The following GADL1 variants were observed in gnomAD, a reference collection of about 807,000 sequenced individuals.
The protein encoded by GADL1 is GAD like acidic amino acid decarboxylase 1.
A neutral mutation model predicts 69.5 loss-of-function variants in GADL1; 71 were observed. The observed-to-expected ratio is 1.02, with a 90% CI of 0.84 to 1.25. The LOEUF is 1.25. Ranked by LOEUF, GADL1 falls within the 50% of genes most tolerant of loss-of-function variation. The pLI is 0.00. For missense variants in GADL1, 737 were observed against 631.8 expected, an observed-to-expected ratio of 1.17 and a Z score of -1.79; for synonymous variants, 254 against 214.4, an observed-to-expected ratio of 1.18 and a Z score of -1.62.
chr3:30,785,234 T>G lies in GADL1; in HGVS notation c.1302+1121A>C, dbSNP rs544188340. Reference sequence around the variant, plus strand: ...TTTCCCTGTTAATTAATTTGCTTAATTAGTGCCTTTCAGTTTCCACTTGAA... The same window carrying G: ...TTTCCCTGTTAATTAATTTGCTTAAGTAGTGCCTTTCAGTTTCCACTTGAA... On this transcript the variant is annotated intron_variant, in intron 13 of 14. Transcript: ENST00000282538. Among the ~76,000 whole-genome samples, 15 of 152,296 alleles carry G rather than the reference T, an allele frequency of 9.8e-5. No homozygotes were observed. The East Asian group carries it at 2.9e-3, about 29-fold the overall frequency.
intron 14 of GADL1, among the ~76,000 whole-genome samples, chr3:30,751,712 G>A (rs570845928): frequency 2.6e-5 from 4 of 152,064 alleles, no homozygotes; most frequent in Non-Finnish European, 4.4e-5. Context: ...TCATAGACAC[G>A]GAGATCTATG....
intron 14 of GADL1, among the ~76,000 whole-genome samples, chr3:30,732,316 C>G (rs748590443): frequency 8.5e-5 from 13 of 152,150 alleles, no homozygotes; most frequent in Non-Finnish European, 1.3e-4. Flanking sequence ...TTCCAGCTCT[C>G]AATTATTTTT....
At chr3:30,866,798 T>A (rs1433507708) in intron 1 of GADL1, among the ~76,000 whole-genome samples, 1 of 152,070 alleles carries the variant, frequency 6.6e-6, no homozygotes, top group Non-Finnish European at 1.5e-5. Context: ...AGGTTTTATT[T>A]CTTATACCAG....
intron 14 of GADL1, among the ~76,000 whole-genome samples, chr3:30,767,059 G>GATGGGGATTACA (rs1359787075): frequency 4.8e-4 from 73 of 152,112 alleles, no homozygotes; most frequent in South Asian, 8.3e-4. Context: ...TAAGCACTTT[G>GATGGGGATTACA]GTATAATGCT....
At chr3:30,768,705 T>C (rs923124313) in intron 14 of GADL1, among the ~76,000 whole-genome samples, 4 of 152,074 alleles carry the variant, frequency 2.6e-5, no homozygotes, top group Admixed American at 2.6e-4. Context: ...GAGATAAAGA[T>C]GAAGAAAGAA....
chr3:30,839,361 T>G (rs1326273122), intron 8 of GADL1, among the ~76,000 whole-genome samples: 3 of 151,818 alleles, frequency 2.0e-5, no homozygotes, highest in Non-Finnish European at 4.4e-5. Flanking sequence ...TTCAGTATTA[T>G]TCTCATGTTT....
At chr3:30,875,938 C>A (rs529554681) in intron 1 of GADL1, among the ~76,000 whole-genome samples, 1 of 151,922 alleles carries the variant, frequency 6.6e-6, no homozygotes, top group Non-Finnish European at 1.5e-5. Flanking sequence ...ATTGGACACG[C>A]CTGGATTACC....
chr3:30,791,690 G>T (rs577492871), intron 12 of GADL1, among the ~76,000 whole-genome samples: 1 of 152,096 alleles, frequency 6.6e-6, no homozygotes, highest in African/African-American at 2.4e-5. Context: ...CACTTTCAGA[G>T]CCTGTAAAGC....
chr3:30,844,386 C>T lies in GADL1; in HGVS notation c.731+1G>A, dbSNP rs546372983. The T allele has an allele frequency of 2.2e-4, 357 of 1,610,964 alleles. 3 individuals are homozygous for T. The South Asian group carries it at 3.7e-3, about 17-fold the overall frequency. Reference sequence around the variant, plus strand: ...AGGCTTCCAGATCCTGTTCCCATTACCTTCCATCTGTTTCCACAAAGCAAA... The same window carrying T: ...AGGCTTCCAGATCCTGTTCCCATTATCTTCCATCTGTTTCCACAAAGCAAA... On this transcript the variant is annotated splice_donor_variant, in intron 7 of 14. Coordinates refer to ENST00000282538, the MANE Select transcript of GADL1 (RefSeq NM_207359.3). LOFTEE classifies it high-confidence loss of function.
chr3:30,792,366 A>C (rs1696942431), intron 12 of GADL1, among the ~76,000 whole-genome samples: 1 of 152,152 alleles, frequency 6.6e-6, no homozygotes, highest in Non-Finnish European at 1.5e-5. Context: ...TGAGTCCAGG[A>C]GTTCAAGACC....
chr3:30,764,217 T>C (rs1336563380), intron 14 of GADL1, among the ~76,000 whole-genome samples: 2 of 113,838 alleles, frequency 1.8e-5, no homozygotes. Flanking sequence ...TGAAGAAAAA[T>C]TCTCTTAAGA....
chr3:30,829,860 C>T (rs1697758376), intron 11 of GADL1, among the ~76,000 whole-genome samples: 1 of 151,746 alleles, frequency 6.6e-6, no homozygotes, highest in African/African-American at 2.4e-5. Flanking sequence ...ATCATAATTA[C>T]AAATAGTAAT....
intron 14 of GADL1, among the ~76,000 whole-genome samples, chr3:30,764,079 GTT>G (rs1426004268): frequency 6.6e-6 from 1 of 152,044 alleles, no homozygotes; most frequent in African/African-American, 2.4e-5. Flanking sequence ...AGCATAGAAA[GTT>G]TTAACATTCA....
intron 1 of GADL1, among the ~76,000 whole-genome samples, chr3:30,885,729 T>A (rs1168108702): frequency 6.6e-6 from 1 of 151,866 alleles, no homozygotes; most frequent in African/African-American, 2.4e-5. Flanking sequence ...TTTACATTTT[T>A]ATTTTAAATT....
chr3:30,844,249 A>G lies in GADL1; in HGVS notation c.747T>C (p.Pro249=), dbSNP rs759256827. ...VETDGRGKMI[P]EELEKQVWQA... ...GCCAGACTTGCTTCTCCAGTTCCTC[A>G]GGTATCATTTTACCTCTAAGGGACA... The change falls in exon 8 of 15, where the codon CCT becomes CCC. Residue 249 remains proline, a synonymous_variant. Transcript: ENST00000282538. 9 of 1,612,240 alleles carry G rather than the reference A, an allele frequency of 5.6e-6. No homozygotes were observed. Among genetic ancestry groups the G allele is most frequent in the Non-Finnish European group, 7.6e-6 (9 of 1,179,252 alleles).
intron 1 of GADL1, among the ~76,000 whole-genome samples, chr3:30,873,571 A>C (rs1292000823): frequency 6.6e-6 from 1 of 152,010 alleles, no homozygotes; most frequent in Non-Finnish European, 1.5e-5. Context: ...GTACTCCTAA[A>C]GCAATAAGCG....
chr3:30,816,833 A>G (rs948434839), intron 11 of GADL1, among the ~76,000 whole-genome samples: 23 of 151,998 alleles, frequency 1.5e-4, no homozygotes, highest in Admixed American at 1.2e-3. Context: ...GGCATGAGCT[A>G]CCACACCTGG....
intron 13 of GADL1, among the ~76,000 whole-genome samples, chr3:30,782,814 G>GGA (rs929557188): frequency 1.8e-4 from 28 of 152,200 alleles, no homozygotes; most frequent in African/African-American, 6.7e-4. Context: ...CTAAGACAGG[G>GGA]GAGACTATCA....
At chr3:30,868,774 TC>T (rs1250317014) in intron 1 of GADL1, among the ~76,000 whole-genome samples, 1 of 151,896 alleles carries the variant, frequency 6.6e-6, no homozygotes, top group Non-Finnish European at 1.5e-5. Flanking sequence ...AAGTTTCCCA[TC>T]CAAGTCTCTT....
Sources: gnomAD v4.1 joint callset for allele counts (sites outside exome capture counted in the v4.1 genomes callset) on GRCh38, gnomAD v4.1.1 for gene constraint, MANE v1.5 for transcripts, NCBI Gene and HGNC (gene_info 2026-07-23, HGNC 2026-07-21) for gene names.